STRBP: variants seen among roughly 807,000 people sequenced by gnomAD.
STRBP encodes spermatid perinuclear RNA binding protein, also known as spermatid perinuclear RNA-binding protein.
A neutral mutation model predicts 80.1 loss-of-function variants in STRBP; 13 were observed. The observed-to-expected ratio is 0.16, with a 90% CI of 0.11 to 0.26. The LOEUF (loss-of-function observed/expected upper bound fraction) is 0.26, where lower values mean the gene tolerates loss of function less well. Ranked by LOEUF, STRBP falls within the 10% of genes least tolerant of loss-of-function variation. The pLI is 1.00. For missense variants in STRBP, 485 were observed against 815.2 expected, an observed-to-expected ratio of 0.59 and a Z score of 4.93; for synonymous variants, 284 against 291.2, an observed-to-expected ratio of 0.98 and a Z score of 0.25.
chr9:123,130,532 C>T (rs1038913041), intron 17 of STRBP, among the ~76,000 whole-genome samples: 1 of 152,090 alleles, frequency 6.6e-6, no homozygotes, highest in Non-Finnish European at 1.5e-5. Context: ...TCCGCGGCAA[C>T]AAGAGACGTG....
At chr9:123,234,004 T>G (rs530903126) in intron 2 of STRBP, among the ~76,000 whole-genome samples, 3 of 152,000 alleles carry the variant, frequency 2.0e-5, no homozygotes, top group East Asian at 3.9e-4. Flanking sequence ...ATTGAGACCA[T>G]CCTGGCTAAT....
At chr9:123,188,597 A>G (rs573914887) in intron 2 of STRBP, among the ~76,000 whole-genome samples, 1 of 152,272 alleles carries the variant, frequency 6.6e-6, no homozygotes, top group South Asian at 2.1e-4. Context: ...AGCTGAGATC[A>G]TGCAACTGCA....
intron 13 of STRBP, among the ~76,000 whole-genome samples, chr9:123,144,525 G>C (rs1486138006): frequency 6.6e-6 from 1 of 152,090 alleles, no homozygotes; most frequent in Non-Finnish European, 1.5e-5. Flanking sequence ...CAAACTTAGG[G>C]AAATTTTTTT....
At position 123,124,537 on chromosome 9, in the gene STRBP, A is replaced by T. The variant is rs2035824927; in HGVS notation, c.*1060T>A. ...TCAACAAGAACTGGGACAATCGAAG[A>T]GCAAGTTTTTATGGGGACCCTGTTG... On this transcript the variant is annotated 3_prime_UTR_variant, in exon 19 of 19. Coordinates refer to ENST00000348403, the MANE Select transcript of STRBP (RefSeq NM_018387.5). 1.0e-6 allele frequency: 1 copy of T among 985,288 alleles called. No individual in the cohort carries two copies. Among genetic ancestry groups the T allele is most frequent in the Admixed American group, 6.1e-5 (1 of 16,262 alleles). 61.0% of individuals were successfully genotyped at this position (985,288 alleles called of 1,614,324 possible). A position where few individuals can be genotyped will look rare whatever the true frequency, so the allele number is the denominator to read the frequency against.
Position 123,124,410 on chromosome 9 carries a change from C to G in STRBP, c.*1187G>C, listed in dbSNP as rs1293307420. ...ACTTAGGTCTGCACCCTTTACAGAA[C>G]AGCACAATGTTACCCACTGATCCAT... On this transcript the variant is annotated 3_prime_UTR_variant, in exon 19 of 19. Transcript: ENST00000348403. 2.0e-6 allele frequency: 2 copies of G among 985,296 alleles called. No homozygotes were observed. Among genetic ancestry groups the G allele is most frequent in the Non-Finnish European group, 2.4e-6 (2 of 829,942 alleles). The allele number at this position is 985,296 out of a possible 1,614,324, so 61.0% of individuals were successfully genotyped here. A position where few individuals can be genotyped will look rare whatever the true frequency, so the allele number is the denominator to read the frequency against.
At chr9:123,261,769 C>CGA (rs2132655646) in intron 1 of STRBP, among the ~76,000 whole-genome samples, 1 of 152,294 alleles carries the variant, frequency 6.6e-6, no homozygotes, top group Admixed American at 6.5e-5. Flanking sequence ...TTTATTCTCT[C>CGA]CAGCTTTTAA....
At chr9:123,171,921 A>T (rs1376841223) in intron 5 of STRBP, among the ~76,000 whole-genome samples, 1 of 152,188 alleles carries the variant, frequency 6.6e-6, no homozygotes, top group Non-Finnish European at 1.5e-5. Context: ...CTTGCTAACT[A>T]GACAAGAACC....
chr9:123,232,436 C>T (rs2040424073), intron 2 of STRBP, among the ~76,000 whole-genome samples: 1 of 152,116 alleles, frequency 6.6e-6, no homozygotes, highest in Non-Finnish European at 1.5e-5. Flanking sequence ...AGTTATAAAC[C>T]ATTTTCAGTG....
chr9:123,201,734 G>A (rs1370376247), intron 2 of STRBP, among the ~76,000 whole-genome samples: 2 of 152,178 alleles, frequency 1.3e-5, no homozygotes, highest in Non-Finnish European at 2.9e-5. Flanking sequence ...CAGATCTTAG[G>A]TAGAATGTTC....
chr9:123,127,396 A>G (rs1436822439), intron 18 of STRBP, among the ~76,000 whole-genome samples: 2 of 152,200 alleles, frequency 1.3e-5, no homozygotes, highest in Admixed American at 6.5e-5. Flanking sequence ...ATGCTGACAC[A>G]CACACTCTTG....
chr9:123,170,108 AAAAC>A, intron 5 of STRBP, 62 bp from the exon 6 acceptor site: 1 of 1,494,316 alleles, frequency 6.7e-7, no homozygotes, highest in South Asian at 1.3e-5. Context: ...AAAAGAAAAA[AAAAC>A]AATGCTTGTA....
intron 2 of STRBP, among the ~76,000 whole-genome samples, chr9:123,198,302 AT>A (rs1050511359): frequency 1.3e-5 from 2 of 151,550 alleles, no homozygotes; most frequent in African/African-American, 4.8e-5. Flanking sequence ...TGCCAGGCTA[AT>A]TTTTTTTGTA....
At chr9:123,208,246 G>A (rs1409953037) in intron 2 of STRBP, among the ~76,000 whole-genome samples, 1 of 151,930 alleles carries the variant, frequency 6.6e-6, no homozygotes, top group East Asian at 1.9e-4. Flanking sequence ...GTTACAAAAA[G>A]CACCAAAGAA....
At chr9:123,245,308 T>C (rs1467468988) in intron 1 of STRBP, among the ~76,000 whole-genome samples, 2 of 152,250 alleles carry the variant, frequency 1.3e-5, no homozygotes, top group East Asian at 1.9e-4. Flanking sequence ...AAAATCCAGA[T>C]GCTTAGGTAG....
At chr9:123,160,296 A>C in intron 8 of STRBP, 71 bp downstream of exon 8, 1 of 1,104,584 alleles carries the variant, frequency 9.1e-7, no homozygotes, top group South Asian at 1.9e-5. Context: ...TTTTAAAGTA[A>C]CATCTCATTT....
intron 2 of STRBP, among the ~76,000 whole-genome samples, chr9:123,188,471 C>G (rs2038790615): frequency 6.6e-6 from 1 of 152,070 alleles, no homozygotes; most frequent in South Asian, 2.1e-4. Flanking sequence ...GAAACCTTGT[C>G]TCCACTAAAA....
chr9:123,148,460 T>C (rs1055218413), intron 11 of STRBP, among the ~76,000 whole-genome samples: 1 of 152,236 alleles, frequency 6.6e-6, no homozygotes, highest in Non-Finnish European at 1.5e-5. Flanking sequence ...ACAGACAGCA[T>C]ATATTCACGT....
At chr9:123,151,764 T>C (rs2037067180) in intron 11 of STRBP, among the ~76,000 whole-genome samples, 1 of 152,076 alleles carries the variant, frequency 6.6e-6, no homozygotes, top group Non-Finnish European at 1.5e-5. Flanking sequence ...ATCCACCTCA[T>C]AAAGTTTAAA....
chr9:123,265,175 G>A (rs369013376), intron 1 of STRBP, among the ~76,000 whole-genome samples: 1 of 151,894 alleles, frequency 6.6e-6, no homozygotes, highest in Middle Eastern at 3.4e-3. Flanking sequence ...TGGATTTTAC[G>A]AATCATTTGC....
Sources: allele counts gnomAD v4.1 joint callset (sites outside exome capture counted in the v4.1 genomes callset), GRCh38; gene constraint gnomAD v4.1.1; transcripts MANE v1.5; gene names NCBI Gene and HGNC (gene_info 2026-07-23, HGNC 2026-07-21).